COG6: variants seen among roughly 807,000 people sequenced by gnomAD.
The protein encoded by COG6 is conserved oligomeric Golgi complex subunit 6.
Under a neutral mutation model 88.8 loss-of-function variants are expected in COG6, and 74 were observed. The ratio of observed to expected loss-of-function variants is 0.83; its 90% confidence interval spans 0.69 to 1.01. The LOEUF is 1.01. COG6 is among the 50% of genes least tolerant of loss of function. The pLI is 0.00. For synonymous variants in COG6, 286 were observed against 278.7 expected (o/e 1.03, Z -0.26); for missense variants, 800 against 797.9 (o/e 1.00, Z -0.03).
intron 1 of COG6, among the ~76,000 whole-genome samples, chr13:39,657,658 A>C (rs1397049073): frequency 1.3e-5 from 2 of 150,022 alleles, no homozygotes; most frequent in South Asian, 4.1e-4. Context: ...CAAAATAACA[A>C]ATAGAAACAT....
In COG6 at chr13:39,751,042, A is replaced by G. The variant is rs1445645571; in HGVS notation, c.1923A>G (p.Pro641=). The change falls in exon 19 of 19, where the codon CCA becomes CCG. Residue 641 remains proline (P), a synonymous_variant. Transcript: ENST00000455146. ...VMNPINEYKD[P]ENILHRSPQQ... Reference sequence around the variant, plus strand: ...ATCCAATCAATGAATACAAAGATCCAGAGAACATTCTTCACCGATCGCCGC... The same window carrying G: ...ATCCAATCAATGAATACAAAGATCCGGAGAACATTCTTCACCGATCGCCGC... 4 of 1,613,640 alleles carry G rather than the reference A, an allele frequency of 2.5e-6. No individual in the cohort carries two copies. Among genetic ancestry groups the G allele is most frequent in the Non-Finnish European group, 3.4e-6 (4 of 1,179,798 alleles).
intron 8 of COG6, among the ~76,000 whole-genome samples, chr13:39,682,807 T>C (rs567745361): frequency 1.3e-5 from 2 of 151,950 alleles, no homozygotes; most frequent in Non-Finnish European, 2.9e-5. Context: ...TTTTATTATT[T>C]TATATTTTAA....
intron 18 of COG6, among the ~76,000 whole-genome samples, chr13:39,777,366 G>C (rs1881495421): frequency 1.3e-5 from 2 of 152,180 alleles, no homozygotes; most frequent in East Asian, 1.9e-4. Flanking sequence ...CCCATAACCT[G>C]ATTCCTGTAA....
In COG6 at chr13:39,702,789, A is replaced by G. The variant is rs114436874; in HGVS notation, c.1284+3171A>G. On this transcript the variant is annotated intron_variant, in intron 13 of 18. Coordinates refer to ENST00000455146, the MANE Select transcript of COG6 (RefSeq NM_020751.3). ...TAGTCTATTTTGAAGACCTAGGAGA[A>G]TCAACTAAAAAGCTATACAACCAGA... Among the ~76,000 whole-genome samples the G allele has an allele frequency of 4.6e-3, 705 of 152,278 alleles. 6 individuals carry two copies. Among genetic ancestry groups the G allele is most frequent in the African/African-American group, 0.016 (652 of 41,564 alleles).
At chr13:39,660,746 T>C (rs1874844308) in intron 2 of COG6, 64 bp from the exon 3 acceptor site, 11 of 1,071,296 alleles carry the variant, frequency 1.0e-5, no homozygotes, top group South Asian at 5.1e-5. Flanking sequence ...AGGATTTAGC[T>C]AACAGAAGAG....
At chr13:39,670,040 G>T (rs1875524144) in intron 4 of COG6, among the ~76,000 whole-genome samples, 1 of 151,786 alleles carries the variant, frequency 6.6e-6, no homozygotes, top group East Asian at 2.0e-4. Context: ...GGGATTATTT[G>T]AATAATACGA....
chr13:39,747,392 G>A (rs537438809), intron 18 of COG6, among the ~76,000 whole-genome samples: 66 of 152,198 alleles, frequency 4.3e-4, no homozygotes, highest in Middle Eastern at 3.4e-3. Context: ...GCTTTAGCAG[G>A]CAGTTAGCAG....
intron 3 of COG6, among the ~76,000 whole-genome samples, chr13:39,662,385 C>T (rs1874960449): frequency 6.6e-6 from 1 of 152,106 alleles, no homozygotes; most frequent in African/African-American, 2.4e-5. Flanking sequence ...CCTCGGCCTT[C>T]CAAAGTGCTG....
At chr13:39,701,845 A>G (rs918566685) in intron 13 of COG6, among the ~76,000 whole-genome samples, 1 of 152,008 alleles carries the variant, frequency 6.6e-6, no homozygotes, top group Non-Finnish European at 1.5e-5. Flanking sequence ...AGGCGTTTGT[A>G]TTAAAAAATT....
intron 18 of COG6, among the ~76,000 whole-genome samples, chr13:39,759,938 G>A (rs773464789): frequency 1.3e-5 from 2 of 152,044 alleles, no homozygotes; most frequent in Non-Finnish European, 2.9e-5. Flanking sequence ...AGCATCTTTT[G>A]GCAAAGTGTT....
At chr13:39,787,381 C>G (rs1209358366) in intron 18 of COG6, among the ~76,000 whole-genome samples, 1 of 151,824 alleles carries the variant, frequency 6.6e-6, no homozygotes, top group Non-Finnish European at 1.5e-5. Flanking sequence ...TGTGTGTGTG[C>G]GTGTGGTGTG....
chr13:39,762,831 A>G (rs1201758584), intron 18 of COG6, among the ~76,000 whole-genome samples: 1 of 150,296 alleles, frequency 6.7e-6, no homozygotes, highest in Non-Finnish European at 1.5e-5. Context: ...TGCTGGCTAG[A>G]ACCTCCAGCA....
chr13:39,723,387 A>G lies in COG6; in HGVS notation c.1639A>G (p.Arg547Gly), dbSNP rs762812544. The change falls in exon 16 of 19, where the codon AGG (arginine) becomes GGG (glycine). Residue 547 changes from arginine (R) to glycine (G), a missense_variant. Transcript: ENST00000455146. Reference protein sequence around the residue: ...INEQASYVLTRVGLSYIYNTV... With the variant: ...INEQASYVLTGVGLSYIYNTV... ...TGAGCAAGCCTCTTATGTTTTAACT[A>G]GGGTAGGCTTGAGTTACATCTATAA... 2 of 1,611,828 alleles carry G rather than the reference A, an allele frequency of 1.2e-6. No homozygotes were observed. The highest frequency in any genetic ancestry group is 1.7e-5 in the Admixed American group (1 of 59,914).
chr13:39,655,929 C>T lies in COG6; in HGVS notation c.153+50C>T, dbSNP rs117960821. The T allele has an allele frequency of 0.041, 64,299 of 1,573,784 alleles. 1,985 individuals are homozygous for T. Among genetic ancestry groups the T allele is most frequent in the South Asian group, 0.14 (11,668 of 86,396 alleles). On this transcript the variant is annotated intron_variant, in intron 1 of 18. Transcript: ENST00000455146. ...GTCACAGGTTCCTGCGGGGCTGAGC[C>T]GGGCCAGGGGCGGCGTCTGTCAGGG...
chr13:39,690,043 T>A (rs1304300946), intron 11 of COG6, among the ~76,000 whole-genome samples: 11 of 151,790 alleles, frequency 7.2e-5, no homozygotes, highest in Admixed American at 7.2e-4. Flanking sequence ...TATATTGACC[T>A]ATTTTTTACA....
intron 13 of COG6, among the ~76,000 whole-genome samples, chr13:39,701,384 A>AG (rs1013873977): frequency 2.6e-5 from 4 of 151,910 alleles, no homozygotes; most frequent in African/African-American, 9.7e-5. Context: ...ATTTGGATTT[A>AG]GAGAGTTTTA....
At chr13:39,710,070 C>A (rs1250472537) in intron 13 of COG6, among the ~76,000 whole-genome samples, 1 of 152,056 alleles carries the variant, frequency 6.6e-6, no homozygotes, top group Non-Finnish European at 1.5e-5. Context: ...TTGATTAAAT[C>A]TATAGATCAG....
intron 5 of COG6, among the ~76,000 whole-genome samples, chr13:39,678,549 A>G (rs1194590182): frequency 6.6e-6 from 1 of 152,222 alleles, no homozygotes; most frequent in Non-Finnish European, 1.5e-5. Context: ...AAAATGTTAA[A>G]TAACAAGAAA....
At chr13:39,714,268 AAAAT>A (rs1448997778) in intron 13 of COG6, among the ~76,000 whole-genome samples, 1 of 152,174 alleles carries the variant, frequency 6.6e-6, no homozygotes, top group African/African-American at 2.4e-5. Flanking sequence ...AACAAAAATA[AAAAT>A]AAATAAATGG....
Sources: gnomAD v4.1 joint callset for allele counts (sites outside exome capture counted in the v4.1 genomes callset) on GRCh38, gnomAD v4.1.1 for gene constraint, MANE v1.5 for transcripts, NCBI Gene and HGNC (gene_info 2026-07-23, HGNC 2026-07-21) for gene names.